The following AHI1 variants were observed in gnomAD, a reference collection of about 807,000 sequenced individuals.
AHI1 encodes jouberin.
AHI1 carries 123 observed loss-of-function variants against 149.3 expected under a neutral mutation model. That is an observed-to-expected ratio of 0.82 (90% confidence interval 0.71 to 0.96). AHI1 has a LOEUF of 0.96. Ranked by LOEUF, AHI1 falls within the 40% of genes least tolerant of loss-of-function variation. The pLI is 0.00. For synonymous variants in AHI1, 475 were observed against 459.8 expected, an observed-to-expected ratio of 1.03 and a Z score of -0.42; for missense variants, 1,439 against 1,422.7, an observed-to-expected ratio of 1.01 and a Z score of -0.18.
chr6:135,387,318 A>T (rs1777752772), intron 23 of AHI1, among the ~76,000 whole-genome samples: 1 of 152,242 alleles, frequency 6.6e-6, no homozygotes, highest in South Asian at 2.1e-4. Context: ...GAGGCTAGCA[A>T]ATGGAGTTCT....
rs185420474 is a variant in AHI1 at position 135,432,353 on chromosome 6, T to C, written c.2266+674A>G. Among the ~76,000 whole-genome samples the C allele has an allele frequency of 3.3e-5, 5 of 152,272 alleles. No individual in the cohort carries two copies. In the East Asian group the frequency reaches 9.7e-4, roughly 29 times the overall value. On this transcript the variant is annotated intron_variant, in intron 16 of 28. Coordinates refer to ENST00000265602, the MANE Select transcript of AHI1 (RefSeq NM_001134831.2). ...TACGTTTTACATCTTTAAAACATAC[T>C]ACATTATTCTTTTTTTTGAGATGGA...
intron 26 of AHI1, among the ~76,000 whole-genome samples, chr6:135,305,954 C>T (rs1395072709): frequency 6.6e-6 from 1 of 152,178 alleles, no homozygotes; most frequent in Non-Finnish European, 1.5e-5. Context: ...CCTCTTAAAA[C>T]CTAATTCATC....
At position 135,415,879 on chromosome 6, in the gene AHI1, A is replaced by G. The variant is rs187817290; in HGVS notation, c.2765-4335T>C. ...AAAACACAGATTTATCAAAGTAATT[A>G]TAAGTGAAAGGAGCCAGATAAAAAA... On this transcript the variant is annotated intron_variant, in intron 20 of 28. Transcript: ENST00000265602. Among the ~76,000 whole-genome samples, 8 of 152,340 alleles carry G rather than the reference A, an allele frequency of 5.3e-5. No individual in the cohort carries two copies. The East Asian group carries it at 1.3e-3, about 26-fold the overall frequency.
intron 23 of AHI1, among the ~76,000 whole-genome samples, chr6:135,363,651 G>A (rs1395848731): frequency 1.2e-4 from 17 of 146,148 alleles, no homozygotes; most frequent in Non-Finnish European, 1.8e-4. Flanking sequence ...CTCACCTCCC[G>A]GACGGGGCGG....
At chr6:135,375,893 A>C (rs1775837707) in intron 23 of AHI1, among the ~76,000 whole-genome samples, 1 of 152,178 alleles carries the variant, frequency 6.6e-6, no homozygotes, top group Admixed American at 6.5e-5. Context: ...GGATAGTACC[A>C]GATGAACTTA....
intron 10 of AHI1, 77 bp from the exon 11 acceptor site, chr6:135,453,513 A>C (rs1371100637): frequency 1.9e-6 from 2 of 1,061,402 alleles, no homozygotes; most frequent in South Asian, 1.5e-5. Flanking sequence ...AACTTTAAAA[A>C]ATCATTTGTA....
At position 135,457,575 on chromosome 6, in the gene AHI1, G is replaced by A; in HGVS notation, c.1070C>T (p.Ser357Leu). Residue 357 changes from serine (S) to leucine (L), a missense_variant, in exon 9 of 29, where the codon TCA (serine) becomes TTA (leucine). By Grantham distance (145) the Ser-to-Leu change is moderately radical. Transcript: ENST00000265602. Reference sequence around the variant, plus strand: ...CATTGGGTGAGAAATCATAAAATCTGACTTAAGTCTATCAGTTCGGTGAAT... The same window carrying A: ...CATTGGGTGAGAAATCATAAAATCTAACTTAAGTCTATCAGTTCGGTGAAT... Reference protein sequence around the residue: ...VYIHRTDRLKSDFMISHPMVK... With the variant: ...VYIHRTDRLKLDFMISHPMVK... 7 of 1,613,896 alleles carry A rather than the reference G, an allele frequency of 4.3e-6. No individual in the cohort carries two copies. The highest frequency in any genetic ancestry group is 5.9e-6 in the Non-Finnish European group (7 of 1,179,868).
Position 135,346,679 on chromosome 6 carries a change from T to C in AHI1, c.3165+11453A>G, listed in dbSNP as rs371828001. On this transcript the variant is annotated intron_variant, in intron 24 of 28. Transcript: ENST00000265602. ...AAGTGTATACAGTGAGCTTACCAAG[T>C]AGGTCTCAAGGAAGAGATGAAGCAG... Among the ~76,000 whole-genome samples, 143 of 152,256 alleles carry C rather than the reference T, an allele frequency of 9.4e-4. 2 individuals are homozygous for C. The highest frequency in any genetic ancestry group is 3.1e-3 in the African/African-American group (127 of 41,560).
At chr6:135,376,372 T>G (rs553109048) in intron 23 of AHI1, among the ~76,000 whole-genome samples, 102 of 152,114 alleles carry the variant, frequency 6.7e-4, no homozygotes, top group Non-Finnish European at 1.2e-3. Context: ...GAAAAGAAAA[T>G]TAATTTTTAC....
chr6:135,490,331 A>G (rs1795078773), intron 5 of AHI1: 1 of 675,708 alleles, frequency 1.5e-6, no homozygotes, highest in Non-Finnish European at 2.7e-6. Context: ...GGTTAAAAAT[A>G]TTTTCTTCAA....
intron 27 of AHI1, among the ~76,000 whole-genome samples, 187 bp from the exon 28 acceptor site, chr6:135,290,712 A>T (rs1353418325): frequency 6.6e-6 from 1 of 152,216 alleles, no homozygotes; most frequent in Non-Finnish European, 1.5e-5. Context: ...GGAATTGCTT[A>T]AAATAACGTT....
chr6:135,465,284 C>T (rs1790562086), intron 7 of AHI1, among the ~76,000 whole-genome samples: 1 of 152,172 alleles, frequency 6.6e-6, no homozygotes, highest in Non-Finnish European at 1.5e-5. Flanking sequence ...CTTAACCTCA[C>T]ACTCTATATA....
chr6:135,350,470 C>T (rs1432172622), intron 24 of AHI1, among the ~76,000 whole-genome samples: 5 of 152,128 alleles, frequency 3.3e-5, no homozygotes. Flanking sequence ...TACATTTATT[C>T]ATTTAAGCAG....
intron 5 of AHI1, among the ~76,000 whole-genome samples, chr6:135,479,894 G>A (rs1342986959): frequency 4.6e-5 from 7 of 152,114 alleles, no homozygotes; most frequent in African/African-American, 1.2e-4. Context: ...GAGTTCTCCT[G>A]AGATCCTGTT....
chr6:135,486,638 T>A (rs1583487108), intron 5 of AHI1, among the ~76,000 whole-genome samples: 1 of 152,222 alleles, frequency 6.6e-6, no homozygotes, highest in African/African-American at 2.4e-5. Context: ...GAGACAGCTA[T>A]AAGTTTCTTT....
rs369672793 is a variant in AHI1 at position 135,300,604 on chromosome 6, A to G, written c.3427-46T>C. 85 of 1,567,058 alleles carry G rather than the reference A, an allele frequency of 5.4e-5. No homozygotes were observed. In the African/African-American group the frequency reaches 1.1e-3, roughly 20 times the overall value. On this transcript the variant is annotated intron_variant, in intron 26 of 28. Coordinates refer to ENST00000265602, the MANE Select transcript of AHI1 (RefSeq NM_001134831.2). The stretch of plus-strand genomic sequence containing the variant: ...CAAGTAGTAAGTAAAAAATGAGAAA[A>G]GACAACACAGTCAATATTCACATGC...
chr6:135,476,239 A>T (rs1166797009), intron 5 of AHI1, among the ~76,000 whole-genome samples: 1 of 152,132 alleles, frequency 6.6e-6, no homozygotes, highest in Non-Finnish European at 1.5e-5. Flanking sequence ...GAACTTCCAA[A>T]TATTTGGTGA....
intron 5 of AHI1, among the ~76,000 whole-genome samples, chr6:135,486,439 T>C (rs528700734): frequency 6.6e-6 from 1 of 152,326 alleles, no homozygotes; most frequent in South Asian, 2.1e-4. Context: ...TTTTTCCTTG[T>C]TATTTTTATA....
At chr6:135,493,043 T>C in intron 3 of AHI1, 1 of 880,640 alleles carries the variant, frequency 1.1e-6, no homozygotes, top group Non-Finnish European at 1.4e-6. Flanking sequence ...GAGTCTCCCT[T>C]TGTCGAGTGC....
Sources: allele counts gnomAD v4.1 joint callset (sites outside exome capture counted in the v4.1 genomes callset), GRCh38; gene constraint gnomAD v4.1.1; transcripts MANE v1.5; gene names NCBI Gene and HGNC (gene_info 2026-07-23, HGNC 2026-07-21).